PRR5L: variants seen among roughly 807,000 people sequenced by gnomAD.
PRR5L encodes proline-rich protein 5-like.
Under a neutral mutation model 36.4 loss-of-function variants are expected in PRR5L, and 21 were observed. The observed-to-expected ratio is 0.58, with a 90% CI of 0.41 to 0.83. The LOEUF is 0.83. Among genes scored for constraint, PRR5L ranks in the 40% least tolerant of loss-of-function variants. The pLI, the probability that PRR5L is intolerant of heterozygous loss-of-function variation, is 0.00. For missense variants in PRR5L, 381 were observed against 473.3 expected (o/e 0.80, Z 1.81); for synonymous variants, 188 against 197.0 (o/e 0.95, Z 0.38).
At chr11:36,351,728 T>TATATATATA (rs1201412908) in intron 1 of PRR5L, among the ~76,000 whole-genome samples, 3 of 104,920 alleles carry the variant, frequency 2.9e-5, no homozygotes, top group African/African-American at 3.8e-5. Flanking sequence ...TTTATATATT[T>TATATATATA]TTTATATATT....
intron 4 of PRR5L, among the ~76,000 whole-genome samples, chr11:36,423,587 G>A (rs1304058117): frequency 6.6e-6 from 1 of 152,166 alleles, no homozygotes; most frequent in Admixed American, 6.5e-5. Context: ...AGCTGGACAG[G>A]CTCCTCTAAC....
At chr11:36,449,096 C>T (rs769534705) in intron 7 of PRR5L, among the ~76,000 whole-genome samples, 1 of 152,216 alleles carries the variant, frequency 6.6e-6, no homozygotes, top group Non-Finnish European at 1.5e-5. Flanking sequence ...GGCCCATGTT[C>T]TTCCTTGCCA....
At chr11:36,424,264 A>G (rs1271110911) in intron 4 of PRR5L, among the ~76,000 whole-genome samples, 1 of 152,244 alleles carries the variant, frequency 6.6e-6, no homozygotes, top group Non-Finnish European at 1.5e-5. Flanking sequence ...TATCACCCGA[A>G]AATGAGCTCT....
At position 36,328,757 on chromosome 11, in the gene PRR5L, T is replaced by C. The variant is rs146745968; in HGVS notation, c.-126+32319T>C. Reference sequence around the variant, plus strand: ...CTCCCACAGAGGGCATTAATGGCTATCAAATTTCTTTAGGAGGCTCTGCTT... The same window carrying C: ...CTCCCACAGAGGGCATTAATGGCTACCAAATTTCTTTAGGAGGCTCTGCTT... On this transcript the variant is annotated intron_variant, in intron 1 of 8. Transcript: ENST00000530639. Among the ~76,000 whole-genome samples the C allele has an allele frequency of 8.5e-5, 13 of 152,358 alleles. No individual in the cohort carries two copies. The East Asian group carries it at 2.5e-3, about 29-fold the overall frequency.
chr11:36,405,250 G>T (rs377495865), intron 3 of PRR5L, among the ~76,000 whole-genome samples: 2 of 152,196 alleles, frequency 1.3e-5, no homozygotes, highest in Non-Finnish European at 2.9e-5. Context: ...GTCAAAAGAG[G>T]ATTACCCTGG....
chr11:36,381,721 A>G (rs1475741011), intron 1 of PRR5L: 1 of 152,152 alleles, frequency 6.6e-6, no homozygotes, highest in Non-Finnish European at 1.5e-5. Context: ...CACCACCACT[A>G]TGGAAGCAGT....
chr11:36,358,891 C>T (rs1857056255), intron 1 of PRR5L, among the ~76,000 whole-genome samples: 1 of 152,164 alleles, frequency 6.6e-6, no homozygotes, highest in African/African-American at 2.4e-5. Flanking sequence ...GCTCAGGGCA[C>T]TGGTTAAGGG....
chr11:36,330,473 G>A (rs931449502), intron 1 of PRR5L, among the ~76,000 whole-genome samples: 4 of 152,192 alleles, frequency 2.6e-5, no homozygotes, highest in Admixed American at 6.5e-5. Context: ...CTTAGGTAAT[G>A]TAATTAGAAA....
Position 36,350,974 on chromosome 11 carries a change from A to ATATTTT in PRR5L, c.-125-50020_-125-50019insTTTTAT, listed in dbSNP as rs1856929536. On this transcript the variant is annotated intron_variant, in intron 1 of 8. Transcript: ENST00000530639. Reference sequence around the variant, plus strand: ...TATTTATATATATTTATATATTTATATATATTTATATATTTATATATTTAT... The same window carrying ATATTTT: ...TATTTATATATATTTATATATTTATATATTTTTATATTTATATATTTATATATTTAT... Among the ~76,000 whole-genome samples, 3 of 78,958 alleles carry ATATTTT rather than the reference A, an allele frequency of 3.8e-5. No individual in the cohort carries two copies. In the East Asian group the frequency reaches 7.3e-4, roughly 19 times the overall value. The allele number at this position is 78,958 out of a possible 152,430, so 51.8% of individuals were successfully genotyped here.
Position 36,451,340 on chromosome 11 carries a change from G to A in PRR5L, c.712+5G>A. 1 of 1,613,914 alleles carries A rather than the reference G, an allele frequency of 6.2e-7. No homozygotes were observed. Among genetic ancestry groups the A allele is most frequent in the Non-Finnish European group, 8.5e-7 (1 of 1,179,914 alleles). On this transcript the variant is annotated splice_donor_5th_base_variant and intron_variant, in intron 8 of 8. Transcript: ENST00000530639. The stretch of plus-strand genomic sequence containing the variant: ...CAGGCCCCACGTACACGCTGGGTAA[G>A]GAGTGCAGCTCTCAAGTTGTCAAGA...
At chr11:36,395,003 C>T (rs1237571883) in intron 1 of PRR5L, among the ~76,000 whole-genome samples, 1 of 152,084 alleles carries the variant, frequency 6.6e-6, no homozygotes, top group Non-Finnish European at 1.5e-5. Flanking sequence ...TACTTCTCAA[C>T]ATCTTTTCTG....
At chr11:36,327,531 C>T (rs75159769) in intron 1 of PRR5L, among the ~76,000 whole-genome samples, 14,621 of 152,206 alleles carry the variant, frequency 0.096, 1,290 homozygotes, top group African/African-American at 0.24. Context: ...GCAAAATTCT[C>T]TCTTGTAGGA....
chr11:36,449,542 G>C (rs895757012), intron 7 of PRR5L, among the ~76,000 whole-genome samples: 1 of 152,198 alleles, frequency 6.6e-6, no homozygotes, highest in Non-Finnish European at 1.5e-5. Flanking sequence ...CCACTGTGAA[G>C]ATCTGTTTCC....
intron 3 of PRR5L, among the ~76,000 whole-genome samples, chr11:36,409,354 C>T (rs1271235353): frequency 6.6e-6 from 1 of 152,190 alleles, no homozygotes; most frequent in Non-Finnish European, 1.5e-5. Flanking sequence ...GCACATTTTC[C>T]TTCTCTCTCC....
chr11:36,353,394 A>T (rs1856994905), intron 1 of PRR5L, among the ~76,000 whole-genome samples: 2 of 152,168 alleles, frequency 1.3e-5, no homozygotes, highest in African/African-American at 4.8e-5. Flanking sequence ...ATTCATTTAG[A>T]ATGAAATGAT....
chr11:36,322,287 T>C (rs1217991375), intron 1 of PRR5L, among the ~76,000 whole-genome samples: 2 of 152,214 alleles, frequency 1.3e-5, no homozygotes, highest in South Asian at 2.1e-4. Flanking sequence ...GGGCTTAAAG[T>C]AGATGTTACC....
chr11:36,379,993 G>A (rs551651700), intron 1 of PRR5L, among the ~76,000 whole-genome samples: 1 of 152,288 alleles, frequency 6.6e-6, no homozygotes, highest in East Asian at 1.9e-4. Context: ...ACACAGCCAT[G>A]AACTCAAGCG....
At chr11:36,449,136 G>A (rs1858893448) in intron 7 of PRR5L, among the ~76,000 whole-genome samples, 1 of 152,158 alleles carries the variant, frequency 6.6e-6, no homozygotes, top group South Asian at 2.1e-4. Context: ...CTGGGGATGT[G>A]ACTGTGAAGA....
intron 3 of PRR5L, among the ~76,000 whole-genome samples, chr11:36,411,917 G>A (rs999489263): frequency 6.6e-6 from 1 of 152,214 alleles, no homozygotes; most frequent in Non-Finnish European, 1.5e-5. Flanking sequence ...GAGTTTTCAA[G>A]ACCCAGGGCT....
Sources: allele counts gnomAD v4.1 joint callset (sites outside exome capture counted in the v4.1 genomes callset), GRCh38; gene constraint gnomAD v4.1.1; transcripts MANE v1.5; gene names NCBI Gene and HGNC (gene_info 2026-07-23, HGNC 2026-07-21).